Variants in ARL15 observed in about 807,000 individuals in gnomAD.
ARL15 encodes ARF like GTPase 15.
ARL15 carries 19 observed loss-of-function variants against 25.2 expected under a neutral mutation model. The observed-to-expected ratio is 0.75, with a 90% CI of 0.53 to 1.10. The LOEUF (loss-of-function observed/expected upper bound fraction) is 1.10. ARL15 is among the 50% of genes least tolerant of loss of function. The pLI is 0.00. For synonymous variants in ARL15, 94 were observed against 86.8 expected, an observed-to-expected ratio of 1.08 and a Z score of -0.46; for missense variants, 220 against 246.0, an observed-to-expected ratio of 0.89 and a Z score of 0.71.
chr5:54,055,734 T>TC (rs1448934451), intron 4 of ARL15, among the ~76,000 whole-genome samples: 3 of 152,148 alleles, frequency 2.0e-5, no homozygotes, highest in African/African-American at 7.2e-5. Flanking sequence ...ATCCAGTTTC[T>TC]TCTGTCATTG....
chr5:53,925,958 T>C (rs954770345), intron 4 of ARL15, among the ~76,000 whole-genome samples: 1 of 151,832 alleles, frequency 6.6e-6, no homozygotes, highest in East Asian at 1.9e-4. Context: ...ACCAATTATA[T>C]ATTGTTATGA....
intron 1 of ARL15, among the ~76,000 whole-genome samples, chr5:54,274,134 A>G (rs1264276830): frequency 6.6e-6 from 1 of 152,142 alleles, no homozygotes; most frequent in African/African-American, 2.4e-5. Context: ...CTGGCTTGGC[A>G]GCTGAACGGG....
intron 4 of ARL15, among the ~76,000 whole-genome samples, chr5:54,021,502 T>C (rs1749598730): frequency 6.6e-6 from 1 of 152,132 alleles, no homozygotes; most frequent in South Asian, 2.1e-4. Context: ...AGTGATGGAC[T>C]CAATAATAGA....
At chr5:54,097,950 C>T (rs898349435) in intron 4 of ARL15, among the ~76,000 whole-genome samples, 6 of 152,102 alleles carry the variant, frequency 3.9e-5, no homozygotes, top group Admixed American at 3.9e-4. Flanking sequence ...ACAGCATTTC[C>T]AAATGGAAAG....
At chr5:54,100,172 A>G (rs1437841658) in intron 4 of ARL15, among the ~76,000 whole-genome samples, 1 of 152,176 alleles carries the variant, frequency 6.6e-6, no homozygotes, top group Non-Finnish European at 1.5e-5. Flanking sequence ...AAGGCATCAC[A>G]TATAAATTTT....
intron 4 of ARL15, among the ~76,000 whole-genome samples, chr5:53,930,579 G>C (rs934528498): frequency 5.3e-5 from 8 of 152,120 alleles, no homozygotes; most frequent in Admixed American, 1.3e-4. Flanking sequence ...TGGGATTAGA[G>C]ATCATTTCAA....
intron 1 of ARL15, among the ~76,000 whole-genome samples, chr5:54,292,749 C>T (rs1758366726): frequency 6.6e-6 from 1 of 152,126 alleles, no homozygotes; most frequent in South Asian, 2.1e-4. Context: ...TATTTTTATA[C>T]TGTCGTCTCA....
At chr5:54,289,907 T>C (rs1439095248) in intron 1 of ARL15, among the ~76,000 whole-genome samples, 1 of 152,232 alleles carries the variant, frequency 6.6e-6, no homozygotes, top group African/African-American at 2.4e-5. Context: ...CAACTTCCTC[T>C]AAGCATTTGC....
chr5:54,199,919 A>G (rs1444474526), intron 1 of ARL15, among the ~76,000 whole-genome samples: 116 of 132,240 alleles, frequency 8.8e-4, no homozygotes, highest in Non-Finnish European at 1.5e-3. Context: ...GATAGACTGG[A>G]TTAAGAAAAT....
intron 2 of ARL15, among the ~76,000 whole-genome samples, chr5:54,168,679 A>T (rs1012176096): frequency 6.6e-6 from 1 of 151,980 alleles, no homozygotes; most frequent in Non-Finnish European, 1.5e-5. Context: ...GAATATACCT[A>T]TGCTTTCTAT....
At chr5:53,970,266 A>G (rs977577487) in intron 4 of ARL15, among the ~76,000 whole-genome samples, 3 of 152,246 alleles carry the variant, frequency 2.0e-5, no homozygotes, top group African/African-American at 7.2e-5. Context: ...AATGGTTTCA[A>G]TAATTATTTT....
chr5:54,258,168 C>CAAAAAA (rs773543108), intron 1 of ARL15, among the ~76,000 whole-genome samples: 2,715 of 121,580 alleles, frequency 0.022, 41 homozygotes, highest in African/African-American at 0.041. Context: ...TTTGTTTCTA[C>CAAAAAA]AAAAAAAAAA....
intron 2 of ARL15, among the ~76,000 whole-genome samples, chr5:54,155,164 G>A (rs6896006): frequency 0.23 from 34,637 of 151,780 alleles, 4,387 homozygotes; most frequent in African/African-American, 0.33. Flanking sequence ...TGTGTATTAC[G>A]GCAATATATA....
Position 53,886,503 on chromosome 5 carries a change from T to G in ARL15, c.*58A>C. 5 of 1,499,378 alleles carry G rather than the reference T, an allele frequency of 3.3e-6. No individual in the cohort carries two copies. The highest frequency in any genetic ancestry group is 3.6e-6 in the Non-Finnish European group (4 of 1,125,722). The allele number at this position is 1,499,378 out of a possible 1,614,324, so 92.9% of individuals were successfully genotyped here. ...TCTTGATACCAAAATAAAATTAAAA[T>G]GAGAAACTAACATGATAGGTTCAAG... On this transcript the variant is annotated 3_prime_UTR_variant, in exon 5 of 5. Coordinates refer to ENST00000504924, the MANE Select transcript of ARL15 (RefSeq NM_019087.3).
chr5:54,026,193 TC>T (rs1455612945), intron 4 of ARL15, among the ~76,000 whole-genome samples: 5 of 152,214 alleles, frequency 3.3e-5, no homozygotes, highest in Admixed American at 3.3e-4. Context: ...TGAATAAAAA[TC>T]ATATTCTGCA....
At chr5:53,991,542 CA>C (rs760743257) in intron 4 of ARL15, among the ~76,000 whole-genome samples, 1,283 of 40,676 alleles carry the variant, frequency 0.032, 2 homozygotes, top group East Asian at 0.061. Flanking sequence ...AACTCCATCT[CA>C]AAAAAAAAAA....
chr5:54,071,689 C>T (rs1379998918), intron 4 of ARL15, among the ~76,000 whole-genome samples: 11 of 151,764 alleles, frequency 7.2e-5, no homozygotes, highest in Non-Finnish European at 1.3e-4. Flanking sequence ...TAAGAGCTAC[C>T]GGCCAGGCGC....
chr5:54,299,082 G>A (rs1758545797), intron 1 of ARL15, among the ~76,000 whole-genome samples: 1 of 151,702 alleles, frequency 6.6e-6, no homozygotes, highest in Non-Finnish European at 1.5e-5. Context: ...TTATTTTTTT[G>A]TAGAGACAGG....
chr5:54,051,279 G>T (rs1266687666), intron 4 of ARL15, among the ~76,000 whole-genome samples: 1 of 152,176 alleles, frequency 6.6e-6, no homozygotes. Flanking sequence ...AGAAACTGAG[G>T]TCTTAAGAGT....
Sources: gnomAD v4.1 joint callset for allele counts (sites outside exome capture counted in the v4.1 genomes callset) on GRCh38, gnomAD v4.1.1 for gene constraint, MANE v1.5 for transcripts, NCBI Gene and HGNC (gene_info 2026-07-23, HGNC 2026-07-21) for gene names.